Variants in ASAP1 observed in about 807,000 individuals in gnomAD.
The protein encoded by ASAP1 is arf-GAP with SH3 domain, ANK repeat and PH domain-containing protein 1.
A neutral mutation model predicts 145.2 loss-of-function variants in ASAP1; 43 were observed. The observed-to-expected ratio is 0.30, with a 90% CI of 0.23 to 0.38. ASAP1 has a LOEUF of 0.38. Among genes scored for constraint, ASAP1 ranks in the 10% least tolerant of loss-of-function variants. The pLI, the probability that ASAP1 is intolerant of heterozygous loss-of-function variation, is 1.00. For missense variants in ASAP1, 1,018 were observed against 1,355.3 expected, an observed-to-expected ratio of 0.75 and a Z score of 3.91; for synonymous variants, 546 against 515.5, an observed-to-expected ratio of 1.06 and a Z score of -0.80.
chr8:130,057,743 C>T (rs1027470952), intron 29 of ASAP1, among the ~76,000 whole-genome samples: 12 of 152,198 alleles, frequency 7.9e-5, no homozygotes, highest in South Asian at 4.1e-4. Flanking sequence ...CCACTGTGCC[C>T]GGCCAGCTCC....
At chr8:130,389,262 T>TAG (rs1828164130) in intron 2 of ASAP1, among the ~76,000 whole-genome samples, 1 of 152,196 alleles carries the variant, frequency 6.6e-6, no homozygotes, top group Non-Finnish European at 1.5e-5. Context: ...CAGTAAGCTC[T>TAG]AGGGTGGAGA....
intron 3 of ASAP1, among the ~76,000 whole-genome samples, chr8:130,317,348 T>C (rs1010978993): frequency 5.9e-5 from 9 of 152,182 alleles, no homozygotes; most frequent in African/African-American, 2.2e-4. Flanking sequence ...CAAGAGAGAA[T>C]GACCCTTGTA....
chr8:130,290,960 G>C (rs368293710), intron 3 of ASAP1, among the ~76,000 whole-genome samples: 1 of 152,140 alleles, frequency 6.6e-6, no homozygotes, highest in African/African-American at 2.4e-5. Flanking sequence ...TCACAAGTAG[G>C]AGCTACTCCT....
chr8:130,259,431 T>C (rs1819760623), intron 3 of ASAP1, among the ~76,000 whole-genome samples: 1 of 152,132 alleles, frequency 6.6e-6, no homozygotes, highest in South Asian at 2.1e-4. Context: ...CAGGCCTCTT[T>C]TGTGAGACTA....
chr8:130,436,133 A>G (rs2138814515), intron 1 of ASAP1, among the ~76,000 whole-genome samples: 1 of 152,356 alleles, frequency 6.6e-6, no homozygotes, highest in South Asian at 2.1e-4. Context: ...AACACAAAAC[A>G]GAAACCCTAA....
At chr8:130,274,680 A>C (rs1420151560) in intron 3 of ASAP1, among the ~76,000 whole-genome samples, 2 of 152,254 alleles carry the variant, frequency 1.3e-5, no homozygotes, top group Non-Finnish European at 2.9e-5. Context: ...GATCAACAGA[A>C]GTTCACTTCC....
rs2097478349 is a variant in ASAP1 at position 130,080,917 on chromosome 8, G to A, written c.2573-946C>T. On this transcript the variant is annotated intron_variant, in intron 25 of 29. Coordinates refer to ENST00000518721, the MANE Select transcript of ASAP1 (RefSeq NM_018482.4). ...CAAAGTGCTGGGATTACAGGCATAAGCCACCATACCCGGCCAAGTATTAAC... is the reference window on the plus strand; with the variant it reads ...CAAAGTGCTGGGATTACAGGCATAAACCACCATACCCGGCCAAGTATTAAC... Among the ~76,000 whole-genome samples, 5 of 152,212 alleles carry A rather than the reference G, an allele frequency of 3.3e-5. No individual in the cohort carries two copies. In the South Asian group the frequency reaches 8.3e-4, roughly 25 times the overall value.
At chr8:130,365,877 G>A (rs1826925770) in intron 2 of ASAP1, among the ~76,000 whole-genome samples, 1 of 152,176 alleles carries the variant, frequency 6.6e-6, no homozygotes, top group African/African-American at 2.4e-5. Flanking sequence ...AGGAGAAATG[G>A]AGAGATCCAG....
At chr8:130,218,195 C>T (rs1817053813) in intron 4 of ASAP1, among the ~76,000 whole-genome samples, 2 of 152,010 alleles carry the variant, frequency 1.3e-5, no homozygotes, top group African/African-American at 4.8e-5. Flanking sequence ...ACCACCAAGA[C>T]TCCTACCTCA....
At position 130,167,587 on chromosome 8, in the gene ASAP1, T is replaced by C. The variant is rs770825887; in HGVS notation, c.858A>G (p.Leu286=). The change falls in exon 11 of 30, where the codon CTA becomes CTG. Residue 286 remains leucine (L), a synonymous_variant. Transcript: ENST00000518721. The part of the protein sequence containing the change: ...KQTQDEEKKQ[L]TALRDLIKSS... ...ATTTTATTAAGTCTCGGAGTGCAGTTAGCTGTTTCTTTTCTTCATCCTGGG... is the reference window on the plus strand; with the variant it reads ...ATTTTATTAAGTCTCGGAGTGCAGTCAGCTGTTTCTTTTCTTCATCCTGGG... 5.6e-6 allele frequency: 9 copies of C among 1,613,424 alleles called. No homozygotes were observed. Among genetic ancestry groups the C allele is most frequent in the African/African-American group, 1.3e-5 (1 of 74,902 alleles).
intron 5 of ASAP1, among the ~76,000 whole-genome samples, chr8:130,195,847 A>G (rs987021268): frequency 7.9e-5 from 12 of 152,244 alleles, no homozygotes; most frequent in African/African-American, 2.9e-4. Flanking sequence ...ATGACTTCAT[A>G]AACAGTTTTC....
At chr8:130,229,864 A>G (rs766212005) in intron 4 of ASAP1, among the ~76,000 whole-genome samples, 11 of 152,020 alleles carry the variant, frequency 7.2e-5, no homozygotes, top group Non-Finnish European at 1.5e-4. Context: ...AACATGGTGA[A>G]GCCCCATCTC....
chr8:130,383,982 C>T (rs768208086), intron 2 of ASAP1, among the ~76,000 whole-genome samples: 2 of 152,210 alleles, frequency 1.3e-5, no homozygotes, highest in Admixed American at 6.5e-5. Flanking sequence ...GCCCTTCCTA[C>T]GGTTCATGGT....
intron 3 of ASAP1, among the ~76,000 whole-genome samples, chr8:130,256,755 A>ATATATATATATATATATT (rs1554860198): frequency 1.1e-5 from 1 of 89,780 alleles, no homozygotes; most frequent in Admixed American, 1.0e-4. Flanking sequence ...ATATATATAT[A>ATATATATATATATATATT]TATATATATA....
intron 26 of ASAP1, among the ~76,000 whole-genome samples, chr8:130,078,972 T>C (rs555866083): frequency 6.1e-4 from 93 of 152,312 alleles, no homozygotes; most frequent in African/African-American, 1.7e-3. Context: ...AGCAGGAGGA[T>C]TGCTTGAGCC....
intron 1 of ASAP1, among the ~76,000 whole-genome samples, chr8:130,403,999 C>T (rs1431955749): frequency 6.6e-6 from 1 of 152,172 alleles, no homozygotes; most frequent in Non-Finnish European, 1.5e-5. Flanking sequence ...ATTATATTCT[C>T]AGAGAAACTC....
Position 130,053,400 on chromosome 8 carries a change from C to T in ASAP1, c.*1331G>A, listed in dbSNP as rs570084085. ...CAGACTGATGTAAAAGACTGAAATA[C>T]AATGTTCTTAAGGATCTGATAAACA... is the stretch of plus-strand genomic sequence containing the variant. On this transcript the variant is annotated 3_prime_UTR_variant, in exon 30 of 30. Transcript: ENST00000518721. 124 of 152,240 alleles carry T rather than the reference C, an allele frequency of 8.1e-4. No homozygotes were observed. Among genetic ancestry groups the T allele is most frequent in the African/African-American group, 2.8e-3 (117 of 41,552 alleles). 9.4% of individuals were successfully genotyped at this position (152,240 alleles called of 1,614,324 possible). A position where few individuals can be genotyped will look rare whatever the true frequency, so the allele number is the denominator to read the frequency against.
Position 130,125,939 on chromosome 8 carries a change from T to A in ASAP1, c.1515+17A>T, listed in dbSNP as rs1347975756. 1.3e-6 allele frequency: 2 copies of A among 1,597,218 alleles called. No homozygotes were observed. Among genetic ancestry groups the A allele is most frequent in the Non-Finnish European group, 1.7e-6 (2 of 1,175,460 alleles). On this transcript the variant is annotated intron_variant, in intron 17 of 29. Coordinates refer to ENST00000518721, the MANE Select transcript of ASAP1 (RefSeq NM_018482.4). ...TGACAATAATATCATTCTTCCCAAG[T>A]ACAGGTCACTACTTACCAAGAGTTC...
intron 27 of ASAP1, among the ~76,000 whole-genome samples, chr8:130,071,054 A>G (rs1247339441): frequency 4.0e-5 from 4 of 99,020 alleles, no homozygotes; most frequent in African/African-American, 1.5e-4. Flanking sequence ...GAGAAAGCAG[A>G]GTTTCCCCAA....
Sources: allele counts gnomAD v4.1 joint callset (sites outside exome capture counted in the v4.1 genomes callset), GRCh38; gene constraint gnomAD v4.1.1; transcripts MANE v1.5; gene names NCBI Gene and HGNC (gene_info 2026-07-23, HGNC 2026-07-21).